Variants in NBAS observed in about 807,000 individuals in gnomAD.
The protein encoded by NBAS is NBAS subunit of NRZ tethering complex.
A neutral mutation model predicts 302.5 loss-of-function variants in NBAS; 219 were observed. The ratio of observed to expected loss-of-function variants is 0.72; its 90% confidence interval spans 0.65 to 0.81. The LOEUF (loss-of-function observed/expected upper bound fraction) is 0.81, where lower values mean the gene tolerates loss of function less well. Ranked by LOEUF, NBAS falls within the 30% of genes least tolerant of loss-of-function variation. NBAS has a pLI of 0.00. For missense variants in NBAS, 2,932 were observed against 2,841.6 expected (o/e 1.03, Z -0.72); for synonymous variants, 1,118 against 1,021.6 (o/e 1.09, Z -1.80).
At chr2:15,296,707 T>C (rs985699557) in intron 40 of NBAS, among the ~76,000 whole-genome samples, 1 of 151,990 alleles carries the variant, frequency 6.6e-6, no homozygotes, top group Non-Finnish European at 1.5e-5. Context: ...GCCATAATGG[T>C]GCATGCCTGT....
chr2:15,259,734 A>G (rs758506234), intron 44 of NBAS, among the ~76,000 whole-genome samples: 1 of 152,222 alleles, frequency 6.6e-6, no homozygotes, highest in Non-Finnish European at 1.5e-5. Context: ...TTTCTTCTCC[A>G]GATAAGTGCC....
At chr2:15,069,230 G>A in the NBAS span, among the ~76,000 whole-genome samples, 1 of 152,222 alleles carries the variant, frequency 6.6e-6, no homozygotes, top group African/African-American at 2.4e-5. Flanking sequence ...AAGAATGTGA[G>A]AACACACACA....
At chr2:15,003,500 A>C in the NBAS span, among the ~76,000 whole-genome samples, 1 of 152,232 alleles carries the variant, frequency 6.6e-6, no homozygotes, top group Non-Finnish European at 1.5e-5. Context: ...TGCATCTCCC[A>C]GTTCTCAAAG....
the NBAS span, among the ~76,000 whole-genome samples, chr2:14,921,644 AAG>A: frequency 2.0e-5 from 3 of 152,192 alleles, no homozygotes; most frequent in Non-Finnish European, 4.4e-5. Flanking sequence ...GTTCAGAGTT[AAG>A]AGTCAGGAAT....
chr2:14,949,588 C>T, the NBAS span, among the ~76,000 whole-genome samples: 25 of 151,904 alleles, frequency 1.6e-4, no homozygotes, highest in Non-Finnish European at 3.2e-4. Flanking sequence ...TCAAAATAGT[C>T]AAAATATGGA....
chr2:15,089,834 T>C, the NBAS span, among the ~76,000 whole-genome samples: 19 of 144,882 alleles, frequency 1.3e-4, no homozygotes, highest in African/African-American at 2.6e-4. Context: ...CTGCAACCTC[T>C]GCCTCCCAGG....
chr2:15,138,071 T>C, the NBAS span, among the ~76,000 whole-genome samples: 2 of 152,040 alleles, frequency 1.3e-5, no homozygotes, highest in African/African-American at 4.8e-5. Context: ...GTCCAGCAAG[T>C]CCCTGTGGCA....
At chr2:15,520,232 T>C (rs1396673903) in intron 9 of NBAS, among the ~76,000 whole-genome samples, 1 of 152,048 alleles carries the variant, frequency 6.6e-6, no homozygotes, top group African/African-American at 2.4e-5. Flanking sequence ...CAAGACCCCA[T>C]CGCTTCAAAA....
chr2:15,400,868 C>T (rs893022140), intron 26 of NBAS, among the ~76,000 whole-genome samples: 3 of 152,184 alleles, frequency 2.0e-5, no homozygotes, highest in Admixed American at 2.0e-4. Context: ...ATCCCACATT[C>T]AGTAGTTGTC....
intron 9 of NBAS, among the ~76,000 whole-genome samples, chr2:15,518,177 C>T (rs181972694): frequency 6.7e-6 from 1 of 150,292 alleles, no homozygotes; most frequent in East Asian, 2.0e-4. Flanking sequence ...GTTGCATCAA[C>T]CCACAAGTGT....
the NBAS span, among the ~76,000 whole-genome samples, chr2:14,791,866 G>A: frequency 6.6e-6 from 1 of 151,576 alleles, no homozygotes; most frequent in Non-Finnish European, 1.5e-5. Flanking sequence ...TAGAACAGGT[G>A]GAAAGAAGTG....
the NBAS span, among the ~76,000 whole-genome samples, chr2:14,888,459 T>C: frequency 2.0e-5 from 3 of 152,024 alleles, no homozygotes; most frequent in African/African-American, 7.2e-5. Context: ...CCCCCCCTTT[T>C]TTTTTTATTG....
chr2:14,937,725 G>A, the NBAS span, among the ~76,000 whole-genome samples: 6 of 152,130 alleles, frequency 3.9e-5, no homozygotes, highest in Non-Finnish European at 7.3e-5. Context: ...AAGCAAGAAA[G>A]GGGGCTCCGA....
chr2:15,053,271 G>C, the NBAS span, among the ~76,000 whole-genome samples: 1 of 152,158 alleles, frequency 6.6e-6, no homozygotes, highest in Non-Finnish European at 1.5e-5. Context: ...TAAAATCTGA[G>C]ATAGCAAAGA....
chr2:15,027,780 G>A, the NBAS span, among the ~76,000 whole-genome samples: 1 of 152,064 alleles, frequency 6.6e-6, no homozygotes, highest in South Asian at 2.1e-4. Flanking sequence ...TCCTGTCATT[G>A]TCATATTTAG....
At chr2:15,254,960 G>T (rs1668525165) in intron 44 of NBAS, among the ~76,000 whole-genome samples, 1 of 152,042 alleles carries the variant, frequency 6.6e-6, no homozygotes, top group Non-Finnish European at 1.5e-5. Flanking sequence ...TTATCCACTT[G>T]TTGGCTGATG....
chr2:14,951,859 A>G, the NBAS span, among the ~76,000 whole-genome samples: 1 of 152,174 alleles, frequency 6.6e-6, no homozygotes. Flanking sequence ...GCTGCTCTTG[A>G]GTCCGTATTG....
the NBAS span, among the ~76,000 whole-genome samples, chr2:15,039,403 A>G: frequency 2.6e-5 from 4 of 152,150 alleles, no homozygotes; most frequent in Admixed American, 1.3e-4. Flanking sequence ...TCAGGGAAGG[A>G]TTTAAAGAAA....
the NBAS span, among the ~76,000 whole-genome samples, chr2:14,997,760 C>A: frequency 6.6e-6 from 1 of 152,142 alleles, no homozygotes; most frequent in African/African-American, 2.4e-5. Flanking sequence ...CCTTGACCAA[C>A]ATCTCCTCAT....
Sources: gnomAD v4.1 joint callset for allele counts (sites outside exome capture counted in the v4.1 genomes callset) on GRCh38, gnomAD v4.1.1 for gene constraint, MANE v1.5 for transcripts, NCBI Gene and HGNC (gene_info 2026-07-23, HGNC 2026-07-21) for gene names.